Variants in PRKG1 observed in about 807,000 individuals in gnomAD.
The protein encoded by PRKG1 is cGMP-dependent protein kinase 1.
A neutral mutation model predicts 88.1 loss-of-function variants in PRKG1; 35 were observed. The ratio of observed to expected loss-of-function variants is 0.40; its 90% CI spans 0.30 to 0.53. PRKG1 has a LOEUF of 0.53. PRKG1 is among the 20% of genes least tolerant of loss of function. The pLI, the probability that PRKG1 is intolerant of heterozygous loss-of-function variation, is 0.59. For synonymous variants in PRKG1, 303 were observed against 292.5 expected (o/e 1.04, Z -0.37); for missense variants, 540 against 839.8 (o/e 0.64, Z 4.41).
At chr10:52,088,862 G>C (rs774032275) in intron 7 of PRKG1, among the ~76,000 whole-genome samples, 1 of 151,998 alleles carries the variant, frequency 6.6e-6, no homozygotes, top group Non-Finnish European at 1.5e-5. Flanking sequence ...ACAAATACAC[G>C]CTGTTGCACA....
intron 3 of PRKG1, among the ~76,000 whole-genome samples, chr10:51,557,973 A>G (rs763289094): frequency 2.6e-5 from 4 of 152,208 alleles, no homozygotes; most frequent in African/African-American, 7.2e-5. Flanking sequence ...TCAATTTCCA[A>G]TCAAGGTTTC....
At chr10:52,022,922 T>C (rs976874711) in intron 5 of PRKG1, among the ~76,000 whole-genome samples, 1 of 151,904 alleles carries the variant, frequency 6.6e-6, no homozygotes, top group Non-Finnish European at 1.5e-5. Flanking sequence ...GGTGAGGGTG[T>C]TTTTTTAATT....
intron 8 of PRKG1, among the ~76,000 whole-genome samples, chr10:52,144,708 T>G (rs2132656053): frequency 7.5e-6 from 1 of 133,128 alleles, no homozygotes; most frequent in South Asian, 2.8e-4. Context: ...TCCCAGCTAC[T>G]TGGGAAGCTG....
chr10:52,281,049 A>G, intron 13 of PRKG1, 119 bp downstream of exon 13: 1 of 1,232,482 alleles, frequency 8.1e-7, no homozygotes, highest in Non-Finnish European at 1.1e-6. Flanking sequence ...ACTTTCTTAA[A>G]AGCAGATTTT....
chr10:51,960,540 T>C (rs1233762415), intron 5 of PRKG1, among the ~76,000 whole-genome samples: 1 of 152,034 alleles, frequency 6.6e-6, no homozygotes, highest in African/African-American at 2.4e-5. Context: ...TTTTCTATTT[T>C]TTCTGTTCAT....
At chr10:51,669,447 G>A (rs962136853) in intron 3 of PRKG1, among the ~76,000 whole-genome samples, 16 of 152,154 alleles carry the variant, frequency 1.1e-4, no homozygotes, top group African/African-American at 3.9e-4. Flanking sequence ...GGTGGTTAAG[G>A]CTTCAACATA....
intron 5 of PRKG1, among the ~76,000 whole-genome samples, chr10:51,962,769 A>T (rs1229017877): frequency 1.3e-5 from 2 of 152,208 alleles, no homozygotes; most frequent in Admixed American, 1.3e-4. Context: ...GAGTGGCTGT[A>T]GGAGAAATAT....
intron 9 of PRKG1, among the ~76,000 whole-genome samples, chr10:52,221,212 C>T (rs1028322271): frequency 4.6e-5 from 7 of 151,950 alleles, no homozygotes; most frequent in Non-Finnish European, 1.0e-4. Flanking sequence ...TCTTGATGGG[C>T]TAAGACAGAA....
chr10:51,775,728 G>A (rs1321035772), intron 3 of PRKG1, among the ~76,000 whole-genome samples: 1 of 151,894 alleles, frequency 6.6e-6, no homozygotes, highest in Non-Finnish European at 1.5e-5. Flanking sequence ...ATGTTTACAA[G>A]CACCCACCAC....
Position 51,299,712 on chromosome 10 carries a change from T to C in PRKG1, c.478+146382T>C, listed in dbSNP as rs368416031. 64 of 415,142 alleles carry C rather than the reference T, an allele frequency of 1.5e-4. 1 individual carries two copies. The highest frequency in any genetic ancestry group is 5.4e-4 in the South Asian group (31 of 57,430). 25.7% of individuals were successfully genotyped at this position (415,142 alleles called of 1,614,324 possible). The stretch of plus-strand genomic sequence containing the variant: ...TGACAGCCACAGGTATATTGCTCTC[T>C]GCACATGTGTTTTTTCCTGGCCTCT... On this transcript the variant is annotated intron_variant, in intron 2 of 17. Transcript: ENST00000373980.
At chr10:52,237,007 T>C (rs1481900876) in intron 9 of PRKG1, among the ~76,000 whole-genome samples, 1 of 40,502 alleles carries the variant, frequency 2.5e-5, no homozygotes, top group Admixed American at 3.1e-4. Context: ...GCAAGGCTGG[T>C]TCAATATACA....
chr10:51,546,001 C>T (rs564517018), intron 3 of PRKG1, among the ~76,000 whole-genome samples: 21 of 151,362 alleles, frequency 1.4e-4, no homozygotes, highest in Admixed American at 3.3e-4. Context: ...TTATGCATAT[C>T]GCTTAGTAAC....
At chr10:52,267,495 G>A (rs1165538530) in intron 10 of PRKG1, among the ~76,000 whole-genome samples, 1 of 152,024 alleles carries the variant, frequency 6.6e-6, no homozygotes, top group Admixed American at 6.6e-5. Flanking sequence ...AGCAAGGTAT[G>A]AGGATTGTTC....
chr10:51,502,550 A>T (rs1199923935), intron 3 of PRKG1, among the ~76,000 whole-genome samples: 3 of 152,152 alleles, frequency 2.0e-5, no homozygotes, highest in Admixed American at 1.3e-4. Flanking sequence ...ATTTGAAGTG[A>T]GAAGAACTAA....
chr10:51,710,267 C>T (rs1471526302), intron 3 of PRKG1, among the ~76,000 whole-genome samples: 1 of 152,118 alleles, frequency 6.6e-6, no homozygotes, highest in Non-Finnish European at 1.5e-5. Context: ...CTTCCAAATG[C>T]ATTTTTTGAT....
chr10:51,412,215 AAGAAAG>A (rs942724112), intron 2 of PRKG1, among the ~76,000 whole-genome samples: 13 of 120,268 alleles, frequency 1.1e-4, no homozygotes, highest in African/African-American at 5.2e-4. Context: ...GAGAGAGAGA[AAGAAAG>A]AGAGAAAGAA....
intron 4 of PRKG1, among the ~76,000 whole-genome samples, chr10:51,820,561 A>G (rs1463413301): frequency 6.6e-6 from 1 of 151,972 alleles, no homozygotes; most frequent in Non-Finnish European, 1.5e-5. Flanking sequence ...GCTGTTTCCT[A>G]TGAGCCTAGG....
intron 3 of PRKG1, among the ~76,000 whole-genome samples, chr10:51,590,580 C>A (rs563254323): frequency 6.6e-6 from 1 of 152,220 alleles, no homozygotes; most frequent in African/African-American, 2.4e-5. Flanking sequence ...GATTTCCTTG[C>A]CAAAAACTAA....
At chr10:51,550,100 A>G (rs1056381271) in intron 3 of PRKG1, among the ~76,000 whole-genome samples, 2 of 152,120 alleles carry the variant, frequency 1.3e-5, no homozygotes, top group African/African-American at 4.8e-5. Flanking sequence ...CACGAATACC[A>G]TGATCATCTC....
Sources: gnomAD v4.1 joint callset for allele counts (sites outside exome capture counted in the v4.1 genomes callset) on GRCh38, gnomAD v4.1.1 for gene constraint, MANE v1.5 for transcripts, NCBI Gene and HGNC (gene_info 2026-07-23, HGNC 2026-07-21) for gene names.